Variants in ZNF619 observed in about 807,000 individuals in gnomAD.
ZNF619 encodes zinc finger protein 619.
A neutral mutation model predicts 14.2 loss-of-function variants in ZNF619; 9 were observed. That is an observed-to-expected ratio of 0.64 (90% confidence interval 0.38 to 1.11). ZNF619 has a LOEUF of 1.11. ZNF619 is among the 50% of genes least tolerant of loss of function. The pLI is 0.01. For missense variants in ZNF619, 659 were observed against 680.1 expected (o/e 0.97, Z 0.34); for synonymous variants, 246 against 252.8 (o/e 0.97, Z 0.26).
At position 40,488,017 on chromosome 3, in the gene ZNF619, C is replaced by A; in HGVS notation, c.1507C>A (p.Pro503Thr). 1.2e-6 allele frequency: 2 copies of A among 1,614,124 alleles called. No homozygotes were observed. Among genetic ancestry groups the A allele is most frequent in the Non-Finnish European group, 1.7e-6 (2 of 1,179,958 alleles). ...CTACTGTCCCTGCGCCATCCTCTCTCCTCTGCCTCCCCAACATACCTGCTC... is the reference window on the plus strand; with the variant it reads ...CTACTGTCCCTGCGCCATCCTCTCTACTCTGCCTCCCCAACATACCTGCTC... Reference protein sequence around the residue: ...KPYCPCAILSPLPPQHTCSAL... With the variant: ...KPYCPCAILSTLPPQHTCSAL... Residue 503 changes from proline to threonine, a missense_variant, in exon 5 of 5, where the codon CCT (proline) becomes ACT (threonine). Coordinates refer to ENST00000432264, the MANE Select transcript of ZNF619 (RefSeq NM_001145093.4).
intron 2 of ZNF619, 77 bp from the exon 3 acceptor site, chr3:40,481,786 A>G (rs1697401698): frequency 3.3e-6 from 5 of 1,528,372 alleles, no homozygotes; most frequent in Non-Finnish European, 4.4e-6. Context: ...CAAACCTTCC[A>G]TGGGGCTCAG....
chr3:40,488,234 C>A lies in ZNF619; in HGVS notation c.1724C>A (p.Ser575Tyr). The A allele has an allele frequency of 3.4e-6, 5 of 1,492,146 alleles. No homozygotes were observed. Among genetic ancestry groups the A allele is most frequent in the Non-Finnish European group, 4.6e-6 (5 of 1,084,770 alleles). 92.4% of individuals were successfully genotyped at this position (1,492,146 alleles called of 1,614,324 possible). Reference protein sequence around the residue: ...SLQSPNPLSHSL With the variant: ...SLQSPNPLSHYL ...CAGAGCCCGAATCCTTTGTCTCACT[C>A]CCTGTAAGCCCCGTCACGTTCTCAA... Residue 575 changes from serine to tyrosine, a missense_variant, in exon 5 of 5, where the codon TCC becomes TAC. Ser to Tyr is a moderately radical substitution (Grantham distance 144). Coordinates refer to ENST00000432264, the MANE Select transcript of ZNF619 (RefSeq NM_001145093.4).
At chr3:40,483,857 A>C (rs1367311290) in intron 4 of ZNF619, 3 of 306,376 alleles carry the variant, frequency 9.8e-6, no homozygotes, top group African/African-American at 4.7e-5. Context: ...CGAACTCCCA[A>C]CCTCAGTTGA....
chr3:40,481,054 C>G (rs1697376399), intron 2 of ZNF619, among the ~76,000 whole-genome samples: 1 of 152,186 alleles, frequency 6.6e-6, no homozygotes, highest in Admixed American at 6.5e-5. Context: ...TTCCCATCAT[C>G]TGAAAATGGA....
Position 40,487,231 on chromosome 3 carries a change from T to G in ZNF619, c.721T>G (p.Phe241Val), listed in dbSNP as rs1211457327. ...CACATGCAAAGAATGTGGGAAAACC[T>G]TCAGATATAACTCAAAACTGTCACG... ...PYTCKECGKT[F>V]RYNSKLSRHQ... Residue 241 changes from phenylalanine to valine, a missense_variant, in exon 5 of 5, where the codon TTC becomes GTC. Transcript: ENST00000432264. The G allele has an allele frequency of 2.5e-6, 4 of 1,614,146 alleles. No individual in the cohort carries two copies. In the South Asian group the frequency reaches 3.3e-5, roughly 13 times the overall value.
chr3:40,479,225 C>G (rs925053083), intron 2 of ZNF619, among the ~76,000 whole-genome samples: 4 of 152,196 alleles, frequency 2.6e-5, no homozygotes, highest in African/African-American at 9.6e-5. Flanking sequence ...ATGAACCTCT[C>G]TCTTTTAGGA....
intron 2 of ZNF619, 104 bp from the exon 3 acceptor site, chr3:40,481,759 G>A (rs1697400683): frequency 1.4e-6 from 2 of 1,455,580 alleles, no homozygotes; most frequent in Non-Finnish European, 1.8e-6. Flanking sequence ...GGTCCTGTGT[G>A]GCTCTCCTTG....
intron 2 of ZNF619, among the ~76,000 whole-genome samples, 152 bp downstream of exon 2, chr3:40,478,155 G>C (rs561521941): frequency 6.6e-6 from 1 of 152,270 alleles, no homozygotes; most frequent in African/African-American, 2.4e-5. Context: ...TGACGAACGA[G>C]AGTAGGTGAA....
chr3:40,484,285 T>C (rs1281929367), intron 4 of ZNF619, among the ~76,000 whole-genome samples: 2 of 152,208 alleles, frequency 1.3e-5, no homozygotes, highest in African/African-American at 4.8e-5. Context: ...TATATGTAAA[T>C]GGAATTTTTC....
At position 40,487,930 on chromosome 3, in the gene ZNF619, C is replaced by T; in HGVS notation, c.1420C>T (p.His474Tyr). The T allele has an allele frequency of 6.2e-7, 1 of 1,614,198 alleles. No individual in the cohort carries two copies. Among genetic ancestry groups the T allele is most frequent in the Non-Finnish European group, 8.5e-7 (1 of 1,180,026 alleles). The change falls in exon 5 of 5, where the codon CAT becomes TAT. Residue 474 changes from histidine (H) to tyrosine (Y), a missense_variant. Coordinates refer to ENST00000432264, the MANE Select transcript of ZNF619 (RefSeq NM_001145093.4). Reference sequence around the variant, plus strand: ...CAGATGGAATGCAAGTTTCATCCAGCATCAGAAGTGGCATACTAGGAAGAA... The same window carrying T: ...CAGATGGAATGCAAGTTTCATCCAGTATCAGAAGTGGCATACTAGGAAGAA... ...AFRWNASFIQ[H>Y]QKWHTRKKLI...
intron 4 of ZNF619, among the ~76,000 whole-genome samples, chr3:40,483,292 G>GTTTT (rs777485499): frequency 7.1e-6 from 1 of 140,040 alleles, no homozygotes; most frequent in East Asian, 2.0e-4. Context: ...CTTGGTTTTG[G>GTTTT]TTTTTTTTTT....
chr3:40,484,569 T>A (rs189024602), intron 4 of ZNF619, among the ~76,000 whole-genome samples: 2 of 152,330 alleles, frequency 1.3e-5, no homozygotes, highest in Admixed American at 1.3e-4. Context: ...GCATTTCAGA[T>A]CATGTAGGGG....
chr3:40,485,570 T>G (rs1559538666), intron 4 of ZNF619, among the ~76,000 whole-genome samples: 4 of 152,190 alleles, frequency 2.6e-5, no homozygotes, highest in African/African-American at 7.2e-5. Flanking sequence ...CCCAAAGTGC[T>G]GGGATTACAG....
chr3:40,482,399 C>G (rs1396060021), intron 3 of ZNF619, 189 bp from the exon 4 acceptor site: 7 of 1,591,700 alleles, frequency 4.4e-6, no homozygotes, highest in Non-Finnish European at 5.1e-6. Flanking sequence ...ACTCTGGGAG[C>G]ATTCTGTCCT....
At chr3:40,478,868 A>G (rs1697288397) in intron 2 of ZNF619, among the ~76,000 whole-genome samples, 1 of 152,138 alleles carries the variant, frequency 6.6e-6, no homozygotes, top group African/African-American at 2.4e-5. Context: ...CGAGAACTTC[A>G]GCAAAAATTC....
In ZNF619 at chr3:40,486,911, C is replaced by T; in HGVS notation, c.401C>T (p.Pro134Leu). The change falls in exon 5 of 5, where the codon CCC becomes CTC. Residue 134 changes from proline (P) to leucine (L), a missense_variant. Pro to Leu is a moderately conservative substitution (Grantham distance 98). Coordinates refer to ENST00000432264, the MANE Select transcript of ZNF619 (RefSeq NM_001145093.4). ...LIVEGLLMDVPQHPDFKDRLE... is the reference protein window; with the variant it reads ...LIVEGLLMDVLQHPDFKDRLE... Reference sequence around the variant, plus strand: ...GTGGAGGGACTGCTGATGGACGTTCCCCAGCACCCTGACTTCAAGGACAGG... The same window carrying T: ...GTGGAGGGACTGCTGATGGACGTTCTCCAGCACCCTGACTTCAAGGACAGG... The T allele has an allele frequency of 6.2e-7, 1 of 1,614,082 alleles. No homozygotes were observed. Among genetic ancestry groups the T allele is most frequent in the Non-Finnish European group, 8.5e-7 (1 of 1,180,010 alleles).
chr3:40,485,443 A>G (rs1697548699), intron 4 of ZNF619, among the ~76,000 whole-genome samples: 1 of 152,082 alleles, frequency 6.6e-6, no homozygotes, highest in South Asian at 2.1e-4. Flanking sequence ...CTGGGATTAC[A>G]GGTGCCCGCC....
chr3:40,482,562 T>A (rs961162861), intron 3 of ZNF619, 26 bp from the exon 4 acceptor site: 1 of 1,609,030 alleles, frequency 6.2e-7, no homozygotes, highest in Non-Finnish European at 8.5e-7. Flanking sequence ...CTCCTCAGCT[T>A]CATGTTCCTT....
Position 40,487,608 on chromosome 3 carries a change from C to T in ZNF619, c.1098C>T (p.His366=), listed in dbSNP as rs1324733082. ...TTCTGATTCAGCATCAGAGAATCCA[C>T]ACTGGGGAGAAACCTTATGAATGTA... ...NSVLIQHQRI[H]TGEKPYECKE... The change falls in exon 5 of 5, where the codon CAC becomes CAT. Residue 366 remains histidine (H), a synonymous_variant. Transcript: ENST00000432264. The T allele has an allele frequency of 6.2e-7, 1 of 1,614,110 alleles. No individual in the cohort carries two copies. The highest frequency in any genetic ancestry group is 1.1e-5 in the South Asian group (1 of 91,088).
Sources: gnomAD v4.1 joint callset for allele counts (sites outside exome capture counted in the v4.1 genomes callset) on GRCh38, gnomAD v4.1.1 for gene constraint, MANE v1.5 for transcripts, NCBI Gene and HGNC (gene_info 2026-07-23, HGNC 2026-07-21) for gene names.